Variants in AFAP1 observed in about 807,000 individuals in gnomAD.
AFAP1 encodes the protein actin filament associated protein 1.
A neutral mutation model predicts 93.9 loss-of-function variants in AFAP1; 75 were observed. The ratio of observed to expected loss-of-function variants is 0.80; its 90% CI spans 0.66 to 0.97. The LOEUF (loss-of-function observed/expected upper bound fraction) is 0.97, where lower values mean the gene tolerates loss of function less well. Among genes scored for constraint, AFAP1 ranks in the 50% least tolerant of loss-of-function variants. The probability of loss-of-function intolerance (pLI) is 0.00; values close to 1 mark genes in which losing one functional copy is unlikely to be tolerated. For missense variants in AFAP1, 1,201 were observed against 1,050.8 expected (o/e 1.14, Z -1.98); for synonymous variants, 517 against 430.7 (o/e 1.20, Z -2.48).
At chr4:7,934,979 AAC>A (rs1247650217) in intron 1 of AFAP1, among the ~76,000 whole-genome samples, 1 of 152,208 alleles carries the variant, frequency 6.6e-6, no homozygotes, top group Non-Finnish European at 1.5e-5. Flanking sequence ...TGATAACTGA[AAC>A]ACAAATTTGA....
chr4:7,853,682 C>A (rs1021744483), intron 4 of AFAP1, among the ~76,000 whole-genome samples: 1 of 152,172 alleles, frequency 6.6e-6, no homozygotes, highest in African/African-American at 2.4e-5. Flanking sequence ...TCCGATAAGA[C>A]CATAACCCAC....
At chr4:7,800,727 T>G (rs1260919017) in intron 9 of AFAP1, 74 bp from the exon 10 acceptor site, 6 of 1,445,620 alleles carry the variant, frequency 4.2e-6, no homozygotes. Context: ...AGGGTCACAC[T>G]GAGGAGGCCC....
intron 1 of AFAP1, among the ~76,000 whole-genome samples, chr4:7,925,845 C>CAA (rs369449408): frequency 6.9e-6 from 1 of 144,472 alleles, no homozygotes; most frequent in African/African-American, 2.6e-5. Context: ...AACTCTGTCT[C>CAA]AAAAAAAAAA....
intron 1 of AFAP1, among the ~76,000 whole-genome samples, chr4:7,873,794 G>GCA (rs1717282871): frequency 6.6e-6 from 1 of 152,134 alleles, no homozygotes; most frequent in African/African-American, 2.4e-5. Context: ...GTTGCACACA[G>GCA]CACTATCTTT....
intron 9 of AFAP1, among the ~76,000 whole-genome samples, chr4:7,802,794 C>A (rs949394663): frequency 1.3e-5 from 2 of 152,084 alleles, no homozygotes; most frequent in African/African-American, 4.8e-5. Context: ...GGACTACAGG[C>A]GCCCGCCACC....
intron 5 of AFAP1, among the ~76,000 whole-genome samples, chr4:7,839,378 C>CATAT (rs146727863): frequency 1.3e-5 from 2 of 151,250 alleles, no homozygotes; most frequent in South Asian, 2.1e-4. Context: ...CCAACACACA[C>CATAT]AAATATATAT....
chr4:7,758,791 G>A lies in AFAP1; in HGVS notation c.*4974C>T, dbSNP rs866214736. 6.6e-6 allele frequency: 1 copy of A among 152,232 alleles called. No homozygotes were observed. Among genetic ancestry groups the A allele is most frequent in the Non-Finnish European group, 1.5e-5 (1 of 68,040 alleles). The allele number at this position is 152,232 out of a possible 1,614,324, so 9.4% of individuals were successfully genotyped here. A position where few individuals can be genotyped will look rare whatever the true frequency, so the allele number is the denominator to read the frequency against. ...TAGGGTTACACCACGTGAAACAGTA[G>A]AAAATTCAACCAGGAAAGCAGGAAA... On this transcript the variant is annotated 3_prime_UTR_variant, in exon 18 of 18. Transcript: ENST00000420658.
chr4:7,823,424 G>C (rs1158914036), intron 6 of AFAP1, among the ~76,000 whole-genome samples: 1 of 151,592 alleles, frequency 6.6e-6, no homozygotes, highest in East Asian at 1.9e-4. Flanking sequence ...AAATCCTCAA[G>C]AGGAAAAAGT....
intron 15 of AFAP1, chr4:7,774,238 T>G (rs538128908): frequency 6.5e-6 from 1 of 153,906 alleles, no homozygotes; most frequent in African/African-American, 2.4e-5. Context: ...CCTGGCCTCT[T>G]CCCTGATGCA....
intron 4 of AFAP1, among the ~76,000 whole-genome samples, chr4:7,847,128 G>A (rs950507432): frequency 6.6e-6 from 1 of 152,222 alleles, no homozygotes; most frequent in African/African-American, 2.4e-5. Flanking sequence ...AAAGGATAAT[G>A]AACTCTCCAG....
intron 1 of AFAP1, among the ~76,000 whole-genome samples, chr4:7,901,233 G>A (rs989543625): frequency 1.3e-5 from 2 of 152,182 alleles, no homozygotes; most frequent in African/African-American, 2.4e-5. Flanking sequence ...GCAGGGAGAT[G>A]GGGAAGTCTC....
intron 1 of AFAP1, among the ~76,000 whole-genome samples, chr4:7,920,568 C>T (rs1720382986): frequency 6.6e-6 from 1 of 152,180 alleles, no homozygotes; most frequent in African/African-American, 2.4e-5. Context: ...CTAAACTACA[C>T]TTGCTTCCCC....
At chr4:7,870,074 T>C (rs545364973) in intron 2 of AFAP1, among the ~76,000 whole-genome samples, 43 of 152,216 alleles carry the variant, frequency 2.8e-4, no homozygotes, top group Non-Finnish European at 5.6e-4. Context: ...TGAAATATTT[T>C]ATACCGTCTC....
At position 7,899,762 on chromosome 4, in the gene AFAP1, C is replaced by G. The variant is rs1320516481; in HGVS notation, c.-2-27682G>C. Among the ~76,000 whole-genome samples the G allele has an allele frequency of 2.6e-5, 4 of 152,020 alleles. No individual in the cohort carries two copies. In the East Asian group the frequency reaches 7.7e-4, roughly 29 times the overall value. ...AATAACAAAGGGAAGCATCAGCAGG[C>G]TTCGAATATGTTTGAACCAGAGATG... On this transcript the variant is annotated intron_variant, in intron 1 of 17. Coordinates refer to ENST00000420658, the MANE Select transcript of AFAP1 (RefSeq NM_001134647.2).
At chr4:7,907,868 C>T (rs980886558) in intron 1 of AFAP1, among the ~76,000 whole-genome samples, 2 of 152,082 alleles carry the variant, frequency 1.3e-5, no homozygotes, top group African/African-American at 4.8e-5. Flanking sequence ...TTAATCCATA[C>T]TAAAGCCATT....
intron 1 of AFAP1, among the ~76,000 whole-genome samples, chr4:7,899,203 G>A (rs1718975721): frequency 6.6e-6 from 1 of 152,022 alleles, no homozygotes; most frequent in Non-Finnish European, 1.5e-5. Context: ...ATAGGGCAAT[G>A]AATGAACTAA....
At chr4:7,782,630 G>C (rs1471860201) in intron 12 of AFAP1, among the ~76,000 whole-genome samples, 2 of 152,170 alleles carry the variant, frequency 1.3e-5, no homozygotes, top group African/African-American at 2.4e-5. Flanking sequence ...CCTTTTCAGG[G>C]GTAAAGGTCT....
At chr4:7,927,922 G>T (rs1197222689) in intron 1 of AFAP1, among the ~76,000 whole-genome samples, 1 of 152,120 alleles carries the variant, frequency 6.6e-6, no homozygotes, top group Non-Finnish European at 1.5e-5. Context: ...AATCATGATG[G>T]AATTGTTCTG....
At position 7,819,092 on chromosome 4, in the gene AFAP1, T is replaced by C; in HGVS notation, c.806A>G (p.Lys269Arg). The change falls in exon 7 of 18, where the codon AAG (lysine) becomes AGG (arginine). Residue 269 changes from lysine (K) to arginine (R), a missense_variant. Transcript: ENST00000420658. ...CGCCCTTACCTTCTCCAGTTCTGCC[T>C]TGTGCACCGGGGAGCTTGGTGGAGG... Reference protein sequence around the residue: ...CPPPPSSPVHKAELEKKLSSE... With the variant: ...CPPPPSSPVHRAELEKKLSSE... 2 of 1,613,022 alleles carry C rather than the reference T, an allele frequency of 1.2e-6. No homozygotes were observed. Among genetic ancestry groups the C allele is most frequent in the Non-Finnish European group, 1.7e-6 (2 of 1,179,528 alleles).
Sources: allele counts gnomAD v4.1 joint callset (sites outside exome capture counted in the v4.1 genomes callset), GRCh38; gene constraint gnomAD v4.1.1; transcripts MANE v1.5; gene names NCBI Gene and HGNC (gene_info 2026-07-23, HGNC 2026-07-21).